BANP: variants seen among roughly 807,000 people sequenced by gnomAD.
The protein encoded by BANP is BTG3 associated nuclear protein, also known as protein BANP.
Under a neutral mutation model 68.1 loss-of-function variants are expected in BANP, and 11 were observed. The observed-to-expected ratio is 0.16, with a 90% CI of 0.10 to 0.27. BANP has a LOEUF of 0.27. Among genes scored for constraint, BANP ranks in the 10% least tolerant of loss-of-function variants. The probability of loss-of-function intolerance (pLI) is 1.00; values close to 1 mark genes in which losing one functional copy is unlikely to be tolerated. For missense variants in BANP, 504 were observed against 722.7 expected (o/e 0.70, Z 3.47); for synonymous variants, 329 against 303.2 (o/e 1.09, Z -0.88).
chr16:87,967,874 G>GC (rs1221613471), intron 1 of BANP, among the ~76,000 whole-genome samples: 1 of 151,750 alleles, frequency 6.6e-6, no homozygotes, highest in East Asian at 2.0e-4. Context: ...GCCCGCCTTG[G>GC]CCCCCCAAAG....
At chr16:87,958,613 C>G (rs866630844) in intron 1 of BANP, among the ~76,000 whole-genome samples, 1 of 152,074 alleles carries the variant, frequency 6.6e-6, no homozygotes, top group African/African-American at 2.4e-5. Flanking sequence ...GAGGATCACT[C>G]GAGCCCGGGA....
At chr16:87,954,585 T>C (rs949431876) in intron 1 of BANP, among the ~76,000 whole-genome samples, 2 of 152,256 alleles carry the variant, frequency 1.3e-5, no homozygotes, top group Non-Finnish European at 2.9e-5. Flanking sequence ...TTCTCTGGGC[T>C]GTTCCGCTTC....
chr16:87,956,868 T>G (rs1486942488), intron 1 of BANP: 3 of 152,290 alleles, frequency 2.0e-5, no homozygotes, highest in East Asian at 1.9e-4. Flanking sequence ...CTGACCCCCG[T>G]GCAGAGGATG....
At chr16:87,983,285 T>C (rs142249447) in intron 3 of BANP, among the ~76,000 whole-genome samples, 5,844 of 152,174 alleles carry the variant, frequency 0.038, 376 homozygotes, top group African/African-American at 0.13. Context: ...TTCTGTCTGC[T>C]GGTGAGACCT....
At chr16:88,050,581 C>G (rs1478092747) in intron 11 of BANP, among the ~76,000 whole-genome samples, 2 of 152,230 alleles carry the variant, frequency 1.3e-5, no homozygotes, top group African/African-American at 4.8e-5. Context: ...TCATCCAGAC[C>G]TGGCGGAATT....
intron 12 of BANP, among the ~76,000 whole-genome samples, chr16:88,069,845 A>T (rs1056730242): frequency 2.0e-5 from 3 of 149,446 alleles, no homozygotes; most frequent in African/African-American, 7.4e-5. Flanking sequence ...TTATACGTGC[A>T]TTTTTTTTTT....
At chr16:87,996,297 T>A (rs1386901330) in intron 4 of BANP, among the ~76,000 whole-genome samples, 3 of 152,192 alleles carry the variant, frequency 2.0e-5, no homozygotes, top group Non-Finnish European at 2.9e-5. Context: ...GCCACTTAGT[T>A]GGAGATGGCT....
intron 1 of BANP, among the ~76,000 whole-genome samples, chr16:87,966,199 C>T (rs1262601520): frequency 2.0e-5 from 3 of 152,132 alleles, no homozygotes; most frequent in African/African-American, 4.8e-5. Context: ...TCTGGATGGG[C>T]GTGGATTCTT....
intron 1 of BANP, among the ~76,000 whole-genome samples, chr16:87,952,020 A>G (rs2057010219): frequency 1.8e-5 from 1 of 56,370 alleles, no homozygotes; most frequent in Non-Finnish European, 3.2e-5. Flanking sequence ...TGCACACGCA[A>G]GGGGCGCTCT....
intron 11 of BANP, among the ~76,000 whole-genome samples, chr16:88,041,429 T>C (rs1385111617): frequency 2.0e-5 from 3 of 152,210 alleles, no homozygotes; most frequent in Non-Finnish European, 1.5e-5. Flanking sequence ...AGTCATGTTT[T>C]CTTCAAATTA....
chr16:88,062,055 A>T (rs1432616731), intron 11 of BANP, among the ~76,000 whole-genome samples: 1 of 152,204 alleles, frequency 6.6e-6, no homozygotes, highest in Non-Finnish European at 1.5e-5. Flanking sequence ...CTCATACCTT[A>T]ACAAGTTGGA....
intron 11 of BANP, among the ~76,000 whole-genome samples, chr16:88,052,505 T>G (rs1368478109): frequency 2.0e-5 from 3 of 151,730 alleles, no homozygotes; most frequent in Non-Finnish European, 2.9e-5. Context: ...AGAACTCAAC[T>G]CTCATGATTC....
chr16:87,970,741 C>G (rs1018155873), intron 1 of BANP, among the ~76,000 whole-genome samples: 1 of 152,140 alleles, frequency 6.6e-6, no homozygotes, highest in African/African-American at 2.4e-5. Flanking sequence ...CTCTACCGGC[C>G]GGGCGCGGTG....
At chr16:87,975,376 G>A (rs768656971) in intron 2 of BANP, among the ~76,000 whole-genome samples, 191 bp downstream of exon 2, 6 of 152,124 alleles carry the variant, frequency 3.9e-5, no homozygotes, top group Non-Finnish European at 7.4e-5. Flanking sequence ...TCAGCCCCAC[G>A]TCCCTTCTGG....
rs894960907 is a variant in BANP, at chr16:88,068,747, C to G, written c.1378-3322C>G. ...GCAGAACTCCTCCCCAGCCCCCTTT[C>G]CAAGTGCAGCCTTGCCCGGTCTGTT... On this transcript the variant is annotated intron_variant, in intron 12 of 13. Transcript: ENST00000682872. 4.6e-5 allele frequency among the ~76,000 whole-genome samples: 7 copies of G among 152,300 alleles called. No homozygotes were observed. The East Asian group carries it at 1.4e-3, about 29-fold the overall frequency.
At position 88,002,649 on chromosome 16, in the gene BANP, G is replaced by T. The variant is rs527730715; in HGVS notation, c.363-1646G>T. On this transcript the variant is annotated intron_variant, in intron 4 of 13. Coordinates refer to ENST00000682872, the MANE Select transcript of BANP (RefSeq NM_001386991.1). This position sits in a 1 kb window ranked among gnomAD's most constrained non-coding sequence, Gnocchi z 4.6. ...CCAGAAGCTGTGGGGCACCCGAGGG[G>T]CACATTATTCCAGTTGGGAGCTGGT... 6.6e-6 allele frequency among the ~76,000 whole-genome samples: 1 copy of T among 152,252 alleles called. No individual in the cohort carries two copies. The highest frequency in any genetic ancestry group is 2.1e-4 in the South Asian group (1 of 4,814).
chr16:88,069,334 T>G (rs971176762), intron 12 of BANP, among the ~76,000 whole-genome samples: 5 of 152,294 alleles, frequency 3.3e-5, no homozygotes, highest in African/African-American at 1.2e-4. Context: ...ACAAATTCAT[T>G]GTTAAAAAAA....
intron 1 of BANP, among the ~76,000 whole-genome samples, chr16:87,965,271 G>A (rs1404253028): frequency 6.6e-6 from 1 of 152,160 alleles, no homozygotes; most frequent in Non-Finnish European, 1.5e-5. Flanking sequence ...CAGTTTTGGG[G>A]GAGTAACTGA....
chr16:87,979,397 G>T (rs1189925945), intron 2 of BANP, among the ~76,000 whole-genome samples: 1 of 152,166 alleles, frequency 6.6e-6, no homozygotes, highest in Non-Finnish European at 1.5e-5. Context: ...TGGGTGCTGT[G>T]ACCTTGTTGG....
Sources: allele counts gnomAD v4.1 joint callset (sites outside exome capture counted in the v4.1 genomes callset), GRCh38; gene constraint gnomAD v4.1.1; non-coding constraint Gnocchi (gnomAD v3.1); transcripts MANE v1.5; gene names NCBI Gene and HGNC (gene_info 2026-07-23, HGNC 2026-07-21).